KIF7: variants seen among roughly 807,000 people sequenced by gnomAD.
KIF7 encodes the protein kinesin family member 7.
Under a neutral mutation model 135.7 loss-of-function variants are expected in KIF7, and 104 were observed. That is an observed-to-expected ratio of 0.77 (90% CI 0.65 to 0.90). KIF7 has a LOEUF of 0.90. Ranked by LOEUF, KIF7 falls within the 40% of genes least tolerant of loss-of-function variation. The probability of loss-of-function intolerance (pLI) is 0.00; values close to 1 mark genes in which losing one functional copy is unlikely to be tolerated. For synonymous variants in KIF7, 883 were observed against 809.4 expected (o/e 1.09, Z -1.54); for missense variants, 2,005 against 1,839.1 (o/e 1.09, Z -1.65).
At position 89,645,417 on chromosome 15, in the gene KIF7, C is replaced by T. The variant is rs759348347; in HGVS notation, c.1957G>A (p.Ala653Thr). The change falls in exon 9 of 19, where the codon GCA becomes ACA. Residue 653 changes from alanine to threonine, a missense_variant. By Grantham distance (58) the Ala-to-Thr change is moderately conservative. Transcript: ENST00000394412. ...CTCTCTGGCAGACTCCCTGGGCGTG[C>T]CCCCGCCCTCTGACTGCAGTTGCTG... ...RISNCSQRAG[A>T]RPGSLPERKG... 6.2e-7 allele frequency: 1 copy of T among 1,613,800 alleles called. No homozygotes were observed. Among genetic ancestry groups the T allele is most frequent in the South Asian group, 1.1e-5 (1 of 91,040 alleles).
chr15:89,653,718 C>T (rs1964160460), intron 1 of KIF7, among the ~76,000 whole-genome samples: 1 of 152,078 alleles, frequency 6.6e-6, no homozygotes. Context: ...GCCGGGACCA[C>T]AGACATGTAC....
chr15:89,630,565 C>T, intron 15 of KIF7, 72 bp from the exon 16 acceptor site: 2 of 1,287,188 alleles, frequency 1.6e-6, no homozygotes, highest in African/African-American at 1.5e-5. Flanking sequence ...AGACATGCAA[C>T]AGCCAACACG....
At chr15:89,659,768 A>G (rs1447099605), upstream of KIF7, among the ~76,000 whole-genome samples, 1 of 152,224 alleles carries the variant, frequency 6.6e-6, no homozygotes, top group Non-Finnish European at 1.5e-5. Context: ...AATCAGAGCA[A>G]CCACTTTGAA....
chr15:89,629,284 TGGGGGGAGGGAGGG>T (rs1210679987), intron 17 of KIF7, 77 bp downstream of exon 17: 6 of 570,184 alleles, frequency 1.1e-5, no homozygotes, highest in Admixed American at 1.3e-4. Context: ...GCAGGGGCGG[TGGGGGGAGGGAGGG>T]GGGTGCAGGG....
Position 89,629,799 on chromosome 15 carries a change from C to T in KIF7, c.3319-226G>A, listed in dbSNP as rs542745881. 8 of 612,274 alleles carry T rather than the reference C, an allele frequency of 1.3e-5. No homozygotes were observed. The East Asian group carries it at 2.2e-4, about 17-fold the overall frequency. The allele number at this position is 612,274 out of a possible 1,614,324, so 37.9% of individuals were successfully genotyped here. ...CTTATCTGCTATCTCTGCCACAAAC[C>T]CTTTCCTAGCCACACACTATGGAGC... On this transcript the variant is annotated intron_variant, in intron 16 of 18. Transcript: ENST00000394412.
chr15:89,659,492 G>T (rs979504744), upstream of KIF7, among the ~76,000 whole-genome samples: 4 of 150,382 alleles, frequency 2.7e-5, no homozygotes, highest in African/African-American at 9.8e-5. Context: ...GAGAAAGAAA[G>T]GAAGGAAAGA....
chr15:89,659,535 G>C (rs931653202), upstream of KIF7, among the ~76,000 whole-genome samples: 2 of 151,890 alleles, frequency 1.3e-5, no homozygotes, highest in African/African-American at 4.8e-5. Flanking sequence ...GAGGGAGGAA[G>C]GGAGGGAAGA....
rs550404869 is a variant in KIF7 at position 89,648,428 on chromosome 15, G to A, written c.1270C>T (p.Arg424Cys). The A allele has an allele frequency of 4.9e-5, 55 of 1,115,044 alleles. No individual in the cohort carries two copies. The African/African-American group carries it at 6.7e-4, about 14-fold the overall frequency. 69.1% of individuals were successfully genotyped at this position (1,115,044 alleles called of 1,614,324 possible). A position where few individuals can be genotyped will look rare whatever the true frequency, so the allele number is the denominator to read the frequency against. ...AGCCCGGGCTCGGCCTGCAGCTCGC[G>A]CAAGAGGCTGTAGGCGGCGTCGGTG... is the stretch of plus-strand genomic sequence containing the variant. ...ACTDAAYSLL[R>C]ELQAEPGLPG... The change falls in exon 5 of 19, where the codon CGC (arginine) becomes TGC (cysteine). Residue 424 changes from arginine (R) to cysteine (C), a missense_variant. Physicochemically the swap from Arg to Cys is radical, Grantham distance 180 (BLOSUM62 -3). Coordinates refer to ENST00000394412, the MANE Select transcript of KIF7 (RefSeq NM_198525.3).
Position 89,645,432 on chromosome 15 carries a change from T to A in KIF7, c.1942A>T (p.Ser648Cys), listed in dbSNP as rs757997374. The change falls in exon 9 of 19, where the codon AGT becomes TGT. Residue 648 changes from serine (S) to cysteine (C), a missense_variant. Coordinates refer to ENST00000394412, the MANE Select transcript of KIF7 (RefSeq NM_198525.3). ...HLRRNRISNC[S>C]QRAGARPGSL... Reference sequence around the variant, plus strand: ...CCTGGGCGTGCCCCCGCCCTCTGACTGCAGTTGCTGATCCTATTTCTGGAG... The same window carrying A: ...CCTGGGCGTGCCCCCGCCCTCTGACAGCAGTTGCTGATCCTATTTCTGGAG... The A allele has an allele frequency of 8.7e-6, 14 of 1,613,524 alleles. No homozygotes were observed. In the Admixed American group the frequency reaches 2.3e-4, roughly 27 times the overall value.
chr15:89,649,558 C>T (rs991549879), intron 3 of KIF7, among the ~76,000 whole-genome samples, 183 bp downstream of exon 3: 4 of 152,194 alleles, frequency 2.6e-5, no homozygotes, highest in African/African-American at 9.7e-5. Context: ...ACCTCAGTGC[C>T]TCTCACTCTG....
intron 1 of KIF7, chr15:89,619,960 T>A: frequency 7.9e-7 from 1 of 1,266,128 alleles, no homozygotes; most frequent in Non-Finnish European, 1.1e-6. Context: ...GTAGAATAGG[T>A]ATGTCTAGTT....
intron 1 of KIF7, among the ~76,000 whole-genome samples, chr15:89,620,084 G>C (rs1963399946): frequency 6.6e-6 from 1 of 152,152 alleles, no homozygotes; most frequent in Non-Finnish European, 1.5e-5. Flanking sequence ...TCATTCAAGA[G>C]GAAGCTACCC....
intron 4 of KIF7, 27 bp from the exon 5 acceptor site, chr15:89,648,801 G>A (rs1596078557): frequency 6.6e-7 from 1 of 1,522,984 alleles, no homozygotes; most frequent in Non-Finnish European, 8.8e-7. Flanking sequence ...GAGGCTCTCA[G>A]GGGCCCCGAC....
In KIF7 at chr15:89,648,295, G is replaced by T. The variant is rs1964053271; in HGVS notation, c.1403C>A (p.Ser468Tyr). The change falls in exon 5 of 19, where the codon TCC becomes TAC. Residue 468 changes from serine (S) to tyrosine (Y), a missense_variant. Ser to Tyr is a moderately radical substitution (Grantham distance 144). Transcript: ENST00000394412. Reference sequence around the variant, plus strand: ...CCCCTGCGCCGCCTGGTCCTCGACGGAGGCGCTCTCGATGCCGCTATCGGG... The same window carrying T: ...CCCCTGCGCCGCCTGGTCCTCGACGTAGGCGCTCTCGATGCCGCTATCGGG... The part of the protein sequence containing the change: ...SGPDSGIESA[S>Y]VEDQAAQGAG... 1 of 1,520,056 alleles carries T rather than the reference G, an allele frequency of 6.6e-7. No homozygotes were observed. 94.2% of individuals were successfully genotyped at this position (1,520,056 alleles called of 1,614,324 possible). A position where few individuals can be genotyped will look rare whatever the true frequency, so the allele number is the denominator to read the frequency against.
Position 89,647,630 on chromosome 15 carries a change from G to A in KIF7, c.1526C>T (p.Ala509Val), listed in dbSNP as rs1403008224. 6.8e-6 allele frequency: 11 copies of A among 1,611,754 alleles called. No individual in the cohort carries two copies. The highest frequency in any genetic ancestry group is 3.3e-4 in the Middle Eastern group (2 of 6,084). ...GTACTGCTCCATGGCGTCCTCCAGC[G>A]CAGCCAGAAAGTCTCGGTTCTCCTC... ...LEEENRDFLA[A>V]LEDAMEQYKL... Residue 509 changes from alanine (A) to valine (V), a missense_variant, in exon 6 of 19, where the codon GCG (alanine) becomes GTG (valine). Physicochemically the swap from Ala to Val is moderately conservative, Grantham distance 64. Coordinates refer to ENST00000394412, the MANE Select transcript of KIF7 (RefSeq NM_198525.3).
chr15:89,633,204 C>A lies in KIF7; in HGVS notation c.2655G>T (p.Ala885=). 2 of 1,601,158 alleles carry A rather than the reference C, an allele frequency of 1.2e-6. No individual in the cohort carries two copies. Among genetic ancestry groups the A allele is most frequent in the Non-Finnish European group, 1.7e-6 (2 of 1,176,690 alleles). The part of the protein sequence containing the change: ...KILKIKTEEI[A]AFQRKRRSGS... The stretch of plus-strand genomic sequence containing the variant: ...CACTGCGCCTCTTCCTCTGGAATGC[C>A]GCGATCTCTTCCGTCTTAATCTTCA... The change falls in exon 13 of 19, where the codon GCG becomes GCT. Residue 885 remains alanine, a synonymous_variant. Transcript: ENST00000394412.
At chr15:89,646,211 C>A (rs1183023282) in intron 7 of KIF7, among the ~76,000 whole-genome samples, 185 bp from the exon 8 acceptor site, 3 of 152,186 alleles carry the variant, frequency 2.0e-5, no homozygotes, top group Non-Finnish European at 4.4e-5. Context: ...CCCTCCCCTC[C>A]CGCCTGCTTT....
At position 89,631,143 on chromosome 15, in the gene KIF7, C is replaced by A. The variant is rs1963665318; in HGVS notation, c.3111+352G>T. Reference sequence around the variant, plus strand: ...ATAGGCTTTCTCTCTGCTCAGGGAACACAGATGTGTGGGCATGAGGTGCAC... The same window carrying A: ...ATAGGCTTTCTCTCTGCTCAGGGAAAACAGATGTGTGGGCATGAGGTGCAC... On this transcript the variant is annotated intron_variant, in intron 15 of 18. Transcript: ENST00000394412. The A allele has an allele frequency of 2.3e-5, 7 of 302,892 alleles. No homozygotes were observed. In the Admixed American group the frequency reaches 2.8e-4, roughly 12 times the overall value. 18.8% of individuals were successfully genotyped at this position (302,892 alleles called of 1,614,324 possible). A position where few individuals can be genotyped will look rare whatever the true frequency, so the allele number is the denominator to read the frequency against.
chr15:89,620,925 T>C (rs1384574791), intron 1 of KIF7, among the ~76,000 whole-genome samples: 2 of 151,208 alleles, frequency 1.3e-5, no homozygotes, highest in Non-Finnish European at 2.9e-5. Context: ...GGTTTCACTG[T>C]GTTAGCCAGG....
Sources: gnomAD v4.1 joint callset for allele counts (sites outside exome capture counted in the v4.1 genomes callset) on GRCh38, gnomAD v4.1.1 for gene constraint, MANE v1.5 for transcripts, NCBI Gene and HGNC (gene_info 2026-07-23, HGNC 2026-07-21) for gene names.